RFPL1: variants seen among roughly 807,000 people sequenced by gnomAD.
RFPL1 encodes ret finger protein-like 1.
A neutral mutation model predicts 9.6 loss-of-function variants in RFPL1; 6 were observed. The observed-to-expected ratio is 0.62, with a 90% CI of 0.34 to 1.23. The LOEUF (loss-of-function observed/expected upper bound fraction) is 1.23. Ranked by LOEUF, RFPL1 falls within the 50% of genes most tolerant of loss-of-function variation. The probability of loss-of-function intolerance (pLI) is 0.03; values close to 1 mark genes in which losing one functional copy is unlikely to be tolerated. For missense variants in RFPL1, 352 were observed against 398.4 expected, an observed-to-expected ratio of 0.88 and a Z score of 0.99; for synonymous variants, 145 against 149.4, an observed-to-expected ratio of 0.97 and a Z score of 0.22.
the RFPL1 span, among the ~76,000 whole-genome samples, chr22:29,401,754 C>T: frequency 0.018 from 2,719 of 152,294 alleles, 34 homozygotes; most frequent in Non-Finnish European, 0.029. Context: ...GCAAACACAT[C>T]GGATAGAGAC....
chr22:29,389,278 C>T, the RFPL1 span, among the ~76,000 whole-genome samples: 4 of 152,202 alleles, frequency 2.6e-5, no homozygotes, highest in Non-Finnish European at 4.4e-5. Flanking sequence ...GTCCCAGCTA[C>T]TCGGGAGCCT....
chr22:29,392,378 C>CT, the RFPL1 span, among the ~76,000 whole-genome samples: 1,543 of 46,248 alleles, frequency 0.033, 285 homozygotes, highest in African/African-American at 0.04. Context: ...CCACACCTGG[C>CT]TTTTTTTTTT....
At chr22:29,430,833 TA>T in the RFPL1 span, among the ~76,000 whole-genome samples, 1 of 152,222 alleles carries the variant, frequency 6.6e-6, no homozygotes, top group South Asian at 2.1e-4. Flanking sequence ...TGAATCTTTT[TA>T]TTTTTCCTAA....
chr22:29,395,933 C>T, the RFPL1 span, among the ~76,000 whole-genome samples: 23 of 151,626 alleles, frequency 1.5e-4, no homozygotes, highest in Admixed American at 9.9e-4. Flanking sequence ...AGATCATGCC[C>T]GTCCACTCCA....
At chr22:29,404,995 G>A in the RFPL1 span, among the ~76,000 whole-genome samples, 8 of 152,188 alleles carry the variant, frequency 5.3e-5, no homozygotes, top group Non-Finnish European at 1.2e-4. Flanking sequence ...CTCCAAAAAT[G>A]TCAGGATTAC....
chr22:29,442,178 C>T (rs1405540108), exon 2 of RFPL1: 2 of 1,300,930 alleles, frequency 1.5e-6, no homozygotes, highest in Non-Finnish European at 1.1e-6. Flanking sequence ...GGTGGGCAGA[C>T]TTAGGAACGC....
chr22:29,420,333 TTC>T, the RFPL1 span, among the ~76,000 whole-genome samples: 4 of 152,200 alleles, frequency 2.6e-5, no homozygotes, highest in African/African-American at 7.2e-5. Context: ...TCCTGACCCC[TTC>T]TCTCTCTTTT....
chr22:29,432,956 T>C, the RFPL1 span: 2 of 152,140 alleles, frequency 1.3e-5, no homozygotes, highest in Non-Finnish European at 2.9e-5. Flanking sequence ...GCAGAACATT[T>C]TAAAGAAGCA....
chr22:29,420,390 GCC>G, the RFPL1 span, among the ~76,000 whole-genome samples: 1 of 152,226 alleles, frequency 6.6e-6, no homozygotes, highest in Admixed American at 6.5e-5. Context: ...GAGTGCAGTG[GCC>G]CCATCTCAGC....
intron 1 of RFPL1, chr22:29,439,563 G>GA (rs936486903): frequency 3.2e-5 from 6 of 188,086 alleles, no homozygotes; most frequent in African/African-American, 1.4e-4. Flanking sequence ...ACCTGGGGGG[G>GA]GCGGAGCTTG....
chr22:29,422,304 T>A, the RFPL1 span, among the ~76,000 whole-genome samples: 1 of 151,876 alleles, frequency 6.6e-6, no homozygotes, highest in Admixed American at 6.6e-5. Flanking sequence ...AACTGCCAGG[T>A]GCAGTGGCTC....
At chr22:29,437,414 A>C (rs973274734), upstream of RFPL1, 341 of 512,794 alleles carry the variant, frequency 6.6e-4, no homozygotes, top group Admixed American at 1.9e-3. Context: ...ACATCTCTAA[A>C]ATAAGCTTTT....
exon 2 of RFPL1, chr22:29,441,605 G>A (rs767270016): frequency 6.2e-7 from 1 of 1,613,932 alleles, no homozygotes; most frequent in South Asian, 1.1e-5. Context: ...GACCTCAGGA[G>A]CGTCCGAAGT....
exon 1 of RFPL1, chr22:29,438,964 C>G (rs1460576361): frequency 6.2e-7 from 1 of 1,613,844 alleles, no homozygotes; most frequent in African/African-American, 1.3e-5. Flanking sequence ...TGTGGATGCG[C>G]TGTCTGCTTC....
At chr22:29,420,632 TGC>T in the RFPL1 span, among the ~76,000 whole-genome samples, 25,547 of 57,624 alleles carry the variant, frequency 0.44, 9,960 homozygotes, top group African/African-American at 0.6. Flanking sequence ...GATGGTTTTT[TGC>T]TTTTTTTTTT....
chr22:29,424,589 G>A, the RFPL1 span, among the ~76,000 whole-genome samples: 26 of 149,958 alleles, frequency 1.7e-4, no homozygotes, highest in African/African-American at 5.9e-4. Context: ...ATGCTCTATC[G>A]ATGAAGGAAT....
At chr22:29,409,963 A>T in the RFPL1 span, among the ~76,000 whole-genome samples, 1 of 152,048 alleles carries the variant, frequency 6.6e-6, no homozygotes, top group African/African-American at 2.4e-5. Flanking sequence ...TTGAAAAATA[A>T]TTTTGTATTT....
intron 1 of RFPL1, chr22:29,439,998 C>T (rs2106107): frequency 0.17 from 25,470 of 152,220 alleles, 2,275 homozygotes; most frequent in African/African-American, 0.2. Context: ...GTCTCCTCAT[C>T]GGTGTGCCAT....
the RFPL1 span, among the ~76,000 whole-genome samples, chr22:29,422,347 G>A: frequency 6.6e-6 from 1 of 152,352 alleles, no homozygotes; most frequent in East Asian, 1.9e-4. Context: ...GGGAGGCTGA[G>A]GCTGGTGGAT....
Sources: gnomAD v4.1 joint callset for allele counts (sites outside exome capture counted in the v4.1 genomes callset) on GRCh38, gnomAD v4.1.1 for gene constraint, MANE v1.5 for transcripts, NCBI Gene and HGNC (gene_info 2026-07-23, HGNC 2026-07-21) for gene names.